Variants in OSBPL8 observed in about 807,000 individuals in gnomAD.
OSBPL8 encodes oxysterol-binding protein-related protein 8.
OSBPL8 carries 59 observed loss-of-function variants against 125.5 expected under a neutral mutation model. The observed-to-expected ratio is 0.47, with a 90% confidence interval of 0.38 to 0.58. The LOEUF (loss-of-function observed/expected upper bound fraction) is 0.58. Among genes scored for constraint, OSBPL8 ranks in the 20% least tolerant of loss-of-function variants. OSBPL8 has a pLI of 0.00. For synonymous variants in OSBPL8, 330 were observed against 338.9 expected (o/e 0.97, Z 0.29); for missense variants, 758 against 1,047.8 (o/e 0.72, Z 3.82).
chr12:76,496,676 G>A (rs1879309671), intron 1 of OSBPL8, among the ~76,000 whole-genome samples: 1 of 152,066 alleles, frequency 6.6e-6, no homozygotes, highest in Non-Finnish European at 1.5e-5. Context: ...AAGTAGCTGG[G>A]ATTACAGGAA....
intron 4 of OSBPL8, among the ~76,000 whole-genome samples, chr12:76,427,480 G>A (rs1007707662): frequency 6.6e-6 from 1 of 151,502 alleles, no homozygotes; most frequent in African/African-American, 2.4e-5. Flanking sequence ...CTGAAGACAA[G>A]ATGTAACTGC....
chr12:76,539,586 T>A (rs1950588804), intron 1 of OSBPL8, among the ~76,000 whole-genome samples: 1 of 152,198 alleles, frequency 6.6e-6, no homozygotes, highest in Admixed American at 6.5e-5. Flanking sequence ...ATTAATAATG[T>A]AGCAATGTTA....
chr12:76,395,341 T>C (rs1291174558), intron 8 of OSBPL8, among the ~76,000 whole-genome samples: 1 of 152,150 alleles, frequency 6.6e-6, no homozygotes, highest in Non-Finnish European at 1.5e-5. Flanking sequence ...TAAACTTAGG[T>C]AGACACGAAT....
intron 3 of OSBPL8, among the ~76,000 whole-genome samples, chr12:76,455,575 G>A (rs1294989886): frequency 1.3e-5 from 2 of 152,036 alleles, no homozygotes; most frequent in Non-Finnish European, 2.9e-5. Flanking sequence ...TTTGATAGCC[G>A]TGAAGTAACA....
intron 20 of OSBPL8, 63 bp from the exon 21 acceptor site, chr12:76,369,364 T>C: frequency 6.5e-7 from 1 of 1,530,068 alleles, no homozygotes; most frequent in Non-Finnish European, 8.7e-7. Flanking sequence ...TTTAAAACTT[T>C]CTATTCTATG....
chr12:76,369,460 G>C (rs1426157030), intron 20 of OSBPL8, among the ~76,000 whole-genome samples, 159 bp from the exon 21 acceptor site: 1 of 151,832 alleles, frequency 6.6e-6, no homozygotes. Context: ...TTATTTTATA[G>C]GCTAACTTCT....
chr12:76,449,869 C>T (rs1157115120), intron 4 of OSBPL8, among the ~76,000 whole-genome samples: 3 of 151,958 alleles, frequency 2.0e-5, no homozygotes, highest in African/African-American at 7.3e-5. Flanking sequence ...GTACTGACAG[C>T]GTTTCAGATT....
At chr12:76,382,424 T>C (rs1333824782) in intron 15 of OSBPL8, among the ~76,000 whole-genome samples, 1 of 152,042 alleles carries the variant, frequency 6.6e-6, no homozygotes, top group Non-Finnish European at 1.5e-5. Context: ...GACTGGATAA[T>C]TATTTGTTGT....
intron 1 of OSBPL8, among the ~76,000 whole-genome samples, chr12:76,488,279 G>C (rs909580347): frequency 1.1e-4 from 16 of 152,126 alleles, no homozygotes; most frequent in Non-Finnish European, 1.9e-4. Context: ...ACTGGAAAGA[G>C]GATCACAACA....
intron 1 of OSBPL8, among the ~76,000 whole-genome samples, chr12:76,515,976 C>T (rs1265244889): frequency 1.3e-5 from 2 of 151,992 alleles, no homozygotes; most frequent in African/African-American, 2.4e-5. Flanking sequence ...ATCACAGTGG[C>T]AATTAAAAAC....
chr12:76,402,774 C>A lies in OSBPL8; in HGVS notation c.289-8G>T. 1 of 1,549,584 alleles carries A rather than the reference C, an allele frequency of 6.5e-7. No individual in the cohort carries two copies. Among genetic ancestry groups the A allele is most frequent in the Non-Finnish European group, 8.9e-7 (1 of 1,128,010 alleles). On this transcript the variant is annotated splice_polypyrimidine_tract_variant and splice_region_variant and intron_variant, in intron 5 of 23. Coordinates refer to ENST00000261183, the MANE Select transcript of OSBPL8 (RefSeq NM_020841.5). ...ATAAAGTTTAGATTCAGACTGAAAT[C>A]ATACAGAAACAAGAGAAATTAAATC...
rs1316977409 is a variant in OSBPL8 at position 76,352,911 on chromosome 12, A to G, written c.*2978T>C. On this transcript the variant is annotated 3_prime_UTR_variant, in exon 24 of 24. Transcript: ENST00000261183. Reference sequence around the variant, plus strand: ...ACTCAGAATAATCTGACAAGTCTACATCAATGTCTGAGTAAAGAATAGGTA... The same window carrying G: ...ACTCAGAATAATCTGACAAGTCTACGTCAATGTCTGAGTAAAGAATAGGTA... 1 of 152,520 alleles carries G rather than the reference A, an allele frequency of 6.6e-6. No individual in the cohort carries two copies. The highest frequency in any genetic ancestry group is 1.5e-5 in the Non-Finnish European group (1 of 67,932). The allele number at this position is 152,520 out of a possible 1,614,324, so 9.4% of individuals were successfully genotyped here.
chr12:76,467,708 CA>C (rs1279005590), intron 2 of OSBPL8, among the ~76,000 whole-genome samples: 1 of 151,844 alleles, frequency 6.6e-6, no homozygotes, highest in African/African-American at 2.4e-5. Flanking sequence ...AGACCCACAT[CA>C]CCTCATGTGT....
At chr12:76,483,913 G>T (rs1877847533) in intron 2 of OSBPL8, among the ~76,000 whole-genome samples, 1 of 151,954 alleles carries the variant, frequency 6.6e-6, no homozygotes, top group Non-Finnish European at 1.5e-5. Flanking sequence ...GACCTTAGGT[G>T]ATCTGTACGC....
At chr12:76,535,621 A>G (rs1025309459) in intron 1 of OSBPL8, among the ~76,000 whole-genome samples, 3 of 152,198 alleles carry the variant, frequency 2.0e-5, no homozygotes, top group Admixed American at 6.5e-5. Flanking sequence ...ATAACCGAAA[A>G]TTACAAACAA....
intron 1 of OSBPL8, among the ~76,000 whole-genome samples, chr12:76,508,341 T>C (rs1171352835): frequency 2.0e-5 from 3 of 152,204 alleles, no homozygotes; most frequent in Non-Finnish European, 4.4e-5. Flanking sequence ...CCATACCATA[T>C]AAGGATGTTA....
chr12:76,402,172 T>G (rs929621861), intron 6 of OSBPL8, among the ~76,000 whole-genome samples: 1 of 152,132 alleles, frequency 6.6e-6, no homozygotes, highest in Non-Finnish European at 1.5e-5. Context: ...CCAGAGCCAG[T>G]TGGAAAGCAT....
intron 4 of OSBPL8, among the ~76,000 whole-genome samples, chr12:76,419,977 G>T (rs926190360): frequency 6.6e-5 from 10 of 152,046 alleles, no homozygotes; most frequent in Middle Eastern, 6.5e-3. Flanking sequence ...CTAATGCAAT[G>T]GAATATTATC....
intron 3 of OSBPL8, among the ~76,000 whole-genome samples, chr12:76,456,830 T>C (rs1294122280): frequency 6.6e-6 from 1 of 152,178 alleles, no homozygotes; most frequent in African/African-American, 2.4e-5. Context: ...TATACCATAT[T>C]TATTGATACC....
Sources: allele counts gnomAD v4.1 joint callset (sites outside exome capture counted in the v4.1 genomes callset), GRCh38; gene constraint gnomAD v4.1.1; transcripts MANE v1.5; gene names NCBI Gene and HGNC (gene_info 2026-07-23, HGNC 2026-07-21).